IL4R: variants seen among roughly 807,000 people sequenced by gnomAD.
The protein encoded by IL4R is interleukin-4 receptor subunit alpha.
A neutral mutation model predicts 41.5 loss-of-function variants in IL4R; 17 were observed. The ratio of observed to expected loss-of-function variants is 0.41; its 90% confidence interval spans 0.28 to 0.61. The LOEUF is 0.61. Among genes scored for constraint, IL4R ranks in the 20% least tolerant of loss-of-function variants. The probability of loss-of-function intolerance (pLI) is 0.31; values close to 1 mark genes in which losing one functional copy is unlikely to be tolerated. For synonymous variants in IL4R, 402 were observed against 422.9 expected (o/e 0.95, Z 0.61); for missense variants, 974 against 1,043.1 (o/e 0.93, Z 0.91).
chr16:27,319,339 G>C (rs1162343746), intron 1 of IL4R, among the ~76,000 whole-genome samples: 1 of 152,236 alleles, frequency 6.6e-6, no homozygotes, highest in Non-Finnish European at 1.5e-5. Context: ...TGAAGTAACA[G>C]AGGCACAGAG....
At chr16:27,352,383 C>T (rs2085907770) in intron 6 of IL4R, among the ~76,000 whole-genome samples, 157 bp from the exon 7 acceptor site, 1 of 152,164 alleles carries the variant, frequency 6.6e-6, no homozygotes, top group Non-Finnish European at 1.5e-5. Context: ...GTCACAGTTA[C>T]AGAGGTGGCA....
rs750487862 is a variant in IL4R, at chr16:27,363,671, C to A, written c.2319C>A (p.Ala773=). 4.3e-6 allele frequency: 7 copies of A among 1,613,892 alleles called. No individual in the cohort carries two copies. The East Asian group carries it at 1.3e-4, about 31-fold the overall frequency. ...CTCCAGGTGGGGTTCCACTGGAGGC[C>A]AGTCTGTGTCCGGCCTCCCTGGCAC... ...DPSPGGVPLE[A]SLCPASLAPS... is the part of the protein sequence containing the mutation. The change falls in exon 11 of 11, where the codon GCC becomes GCA. Residue 773 remains alanine (A), a synonymous_variant. Coordinates refer to ENST00000395762, the MANE Select transcript of IL4R (RefSeq NM_000418.4).
chr16:27,320,628 A>G (rs1028735306), intron 1 of IL4R, among the ~76,000 whole-genome samples: 1 of 152,240 alleles, frequency 6.6e-6, no homozygotes, highest in Non-Finnish European at 1.5e-5. Flanking sequence ...CCCAAAGAGG[A>G]GAGTTTAAAA....
In IL4R at chr16:27,321,337, T is replaced by C. The variant is rs117147429; in HGVS notation, c.-152+7317T>C. On this transcript the variant is annotated intron_variant, in intron 1 of 10. Coordinates refer to ENST00000395762, the MANE Select transcript of IL4R (RefSeq NM_000418.4). ...CCTCCAAACTCGGATACTTCTCTTA[T>C]TCAGACTACACAACTGTAGTTATTT... Among the ~76,000 whole-genome samples the C allele has an allele frequency of 3.2e-4, 48 of 152,324 alleles. 1 individual carries two copies. The East Asian group carries it at 9.2e-3, about 29-fold the overall frequency.
At chr16:27,356,258 AT>A (rs2086076733) in intron 8 of IL4R, among the ~76,000 whole-genome samples, 1 of 151,678 alleles carries the variant, frequency 6.6e-6, no homozygotes, top group African/African-American at 2.4e-5. Flanking sequence ...TGCCCGGCTA[AT>A]TTTTTGTATT....
intron 1 of IL4R, among the ~76,000 whole-genome samples, 196 bp from the exon 2 acceptor site, chr16:27,329,869 TG>T (rs35562393): frequency 0.05 from 7,613 of 151,776 alleles, 317 homozygotes; most frequent in Admixed American, 0.1. Flanking sequence ...CCGCATTAGT[TG>T]AGGGGGGTCA....
intron 8 of IL4R, among the ~76,000 whole-genome samples, chr16:27,357,932 C>T (rs2086144624): frequency 7.0e-6 from 1 of 143,756 alleles, no homozygotes; most frequent in Non-Finnish European, 1.5e-5. Flanking sequence ...CTCATGTTGT[C>T]CCCCAGGCTG....
chr16:27,317,556 C>T (rs1015117166), intron 1 of IL4R, among the ~76,000 whole-genome samples: 3 of 152,100 alleles, frequency 2.0e-5, no homozygotes, highest in Non-Finnish European at 2.9e-5. Flanking sequence ...CGGAGCGCCC[C>T]GGCAGAGGCT....
At position 27,345,054 on chromosome 16, in the gene IL4R, G is replaced by T. The variant is rs1221286046; in HGVS notation, c.361+34G>T. On this transcript the variant is annotated intron_variant, in intron 5 of 10. Coordinates refer to ENST00000395762, the MANE Select transcript of IL4R (RefSeq NM_000418.4). The surrounding 1 kb of genome is among the most constrained non-coding windows in gnomAD (Gnocchi z 4.5). The stretch of plus-strand genomic sequence containing the variant: ...GGCGGAGTGCGGCAGGGGTGGCTGG[G>T]TGTGTTCCCACAGCTGCCTGGGCTG... 1 of 1,502,044 alleles carries T rather than the reference G, an allele frequency of 6.7e-7. No homozygotes were observed. The highest frequency in any genetic ancestry group is 9.0e-7 in the Non-Finnish European group (1 of 1,109,714). The allele number at this position is 1,502,044 out of a possible 1,614,324, so 93.0% of individuals were successfully genotyped here.
chr16:27,321,399 G>T (rs2084808537), intron 1 of IL4R, among the ~76,000 whole-genome samples: 1 of 152,156 alleles, frequency 6.6e-6, no homozygotes, highest in Non-Finnish European at 1.5e-5. Context: ...TATAAGTTTG[G>T]CCTGCCTTGG....
Position 27,345,401 on chromosome 16 carries a change from G to A in IL4R, c.361+381G>A, listed in dbSNP as rs1008110480. ...GCTGCGGCTTTGGATGGTCTTGACC[G>A]TGGAAGGCTGACCTTCTTCTGGTAC... is the stretch of plus-strand genomic sequence containing the variant. On this transcript the variant is annotated intron_variant, in intron 5 of 10. Transcript: ENST00000395762. The surrounding 1 kb of genome is among the most constrained non-coding windows in gnomAD (Gnocchi z 4.5). The A allele has an allele frequency of 4.7e-5, 17 of 360,964 alleles. No individual in the cohort carries two copies. Among genetic ancestry groups the A allele is most frequent in the African/African-American group, 3.0e-4 (14 of 47,280 alleles). 22.4% of individuals were successfully genotyped at this position (360,964 alleles called of 1,614,324 possible). A position where few individuals can be genotyped will look rare whatever the true frequency, so the allele number is the denominator to read the frequency against.
At chr16:27,346,378 G>A (rs2085643943) in intron 5 of IL4R, 89 bp from the exon 6 acceptor site, 8 of 1,373,046 alleles carry the variant, frequency 5.8e-6, no homozygotes, top group South Asian at 1.2e-5. Context: ...AAAAATCTGG[G>A]TGGTGGCTGT....
intron 8 of IL4R, 129 bp downstream of exon 8, chr16:27,356,036 A>G: frequency 1.6e-6 from 1 of 613,618 alleles, no homozygotes. Flanking sequence ...GCTACTACAC[A>G]CCTTGAGAGT....
intron 1 of IL4R, among the ~76,000 whole-genome samples, chr16:27,326,151 C>T (rs369397806): frequency 1.6e-4 from 25 of 152,236 alleles, no homozygotes; most frequent in South Asian, 4.1e-4. Flanking sequence ...CACTTCTACC[C>T]GTGCCCCCAC....
At chr16:27,316,373 A>G (rs567580797) in intron 1 of IL4R, among the ~76,000 whole-genome samples, 1 of 152,250 alleles carries the variant, frequency 6.6e-6, no homozygotes, top group Admixed American at 6.5e-5. Flanking sequence ...CTGTCTCAAA[A>G]TAAACAAATA....
intron 8 of IL4R, among the ~76,000 whole-genome samples, 177 bp downstream of exon 8, chr16:27,356,084 C>CTTTTTTTTTTTTT (rs36125482): frequency 2.6e-5 from 3 of 113,734 alleles, no homozygotes; most frequent in African/African-American, 1.0e-4. Flanking sequence ...CCACTTTTTT[C>CTTTTTTTTTTTTT]TTTTTTTTTT....
chr16:27,338,998 G>A (rs1399851043), intron 2 of IL4R, among the ~76,000 whole-genome samples: 3 of 151,964 alleles, frequency 2.0e-5, no homozygotes, highest in Non-Finnish European at 4.4e-5. Flanking sequence ...GGAATTACAG[G>A]TGCCCGCCAC....
chr16:27,324,042 G>A (rs1262265821), intron 1 of IL4R, among the ~76,000 whole-genome samples: 1 of 152,188 alleles, frequency 6.6e-6, no homozygotes, highest in African/African-American at 2.4e-5. Flanking sequence ...GGGGAGGGGC[G>A]AAACCAAGGG....
intron 2 of IL4R, among the ~76,000 whole-genome samples, chr16:27,339,121 C>T (rs1054807436): frequency 6.6e-6 from 1 of 152,056 alleles, no homozygotes; most frequent in Non-Finnish European, 1.5e-5. Context: ...CCCCAAAGTG[C>T]TGGAAATACA....
Sources: allele counts gnomAD v4.1 joint callset (sites outside exome capture counted in the v4.1 genomes callset), GRCh38; gene constraint gnomAD v4.1.1; non-coding constraint Gnocchi (gnomAD v3.1); transcripts MANE v1.5; gene names NCBI Gene and HGNC (gene_info 2026-07-23, HGNC 2026-07-21).